The following RYR3 variants were observed in gnomAD, a reference collection of about 807,000 sequenced individuals.
The protein encoded by RYR3 is ryanodine receptor 3.
Under a neutral mutation model 584.3 loss-of-function variants are expected in RYR3, and 207 were observed. The ratio of observed to expected loss-of-function variants is 0.35; its 90% CI spans 0.32 to 0.40. The LOEUF (loss-of-function observed/expected upper bound fraction) is 0.40, where lower values mean the gene tolerates loss of function less well. Ranked by LOEUF, RYR3 falls within the 10% of genes least tolerant of loss-of-function variation. RYR3 has a pLI of 1.00. For missense variants in RYR3, 5,616 were observed against 6,089.2 expected, an observed-to-expected ratio of 0.92 and a Z score of 2.59; for synonymous variants, 2,416 against 2,248.5, an observed-to-expected ratio of 1.07 and a Z score of -2.11.
In RYR3 at chr15:33,785,804, G is replaced by A; in HGVS notation, c.9411G>A (p.Met3137Ile). The A allele has an allele frequency of 6.2e-7, 1 of 1,613,960 alleles. No homozygotes were observed. The highest frequency in any genetic ancestry group is 2.2e-5 in the East Asian group (1 of 44,878). The part of the protein sequence containing the change: ...MPHVIEVILP[M>I]LCNYLSYWWE... ...ATGTCATCGAGGTGATCTTACCCAT[G>A]CTCTGCAACTACTTGTCCTACTGGT... The change falls in exon 66 of 104, where the codon ATG (methionine) becomes ATA (isoleucine). Residue 3137 changes from methionine (M) to isoleucine (I), a missense_variant. By Grantham distance (10) the Met-to-Ile change is conservative. Around this residue, in one of 9 missense-constraint regions of RYR3, gnomAD observed 954 missense variants for 1,132.2 expected, o/e 0.84. Coordinates refer to ENST00000634891, the MANE Select transcript of RYR3 (RefSeq NM_001036.6).
chr15:33,665,924 T>G (rs997106397), intron 36 of RYR3, among the ~76,000 whole-genome samples: 1 of 152,236 alleles, frequency 6.6e-6, no homozygotes, highest in African/African-American at 2.4e-5. Context: ...AATTCTTCAC[T>G]AATGTATTAG....
At chr15:33,853,966 G>A (rs1022525828) in intron 96 of RYR3, among the ~76,000 whole-genome samples, 2 of 152,084 alleles carry the variant, frequency 1.3e-5, no homozygotes, top group Non-Finnish European at 2.9e-5. Context: ...GGCTGAGGTG[G>A]GCAGATCATG....
rs2070440402 is a variant in RYR3, at chr15:33,744,117, C to T, written c.7899+1673C>T. Among the ~76,000 whole-genome samples the T allele has an allele frequency of 2.0e-5, 3 of 152,108 alleles. No individual in the cohort carries two copies. In the South Asian group the frequency reaches 6.2e-4, roughly 32 times the overall value. On this transcript the variant is annotated intron_variant, in intron 52 of 103. Transcript: ENST00000634891. Reference sequence around the variant, plus strand: ...TCCTCTGCCTGAGCCTGCCAGATACCCGCCTGTACTCACACACATTCTCAC... The same window carrying T: ...TCCTCTGCCTGAGCCTGCCAGATACTCGCCTGTACTCACACACATTCTCAC...
At chr15:33,762,373 A>C (rs1213424180) in intron 60 of RYR3, among the ~76,000 whole-genome samples, 1 of 152,238 alleles carries the variant, frequency 6.6e-6, no homozygotes, top group Non-Finnish European at 1.5e-5. Flanking sequence ...ACTCAGCCCA[A>C]AAACCCCTTA....
intron 38 of RYR3, among the ~76,000 whole-genome samples, chr15:33,685,933 A>G (rs904572355): frequency 6.6e-6 from 1 of 152,230 alleles, no homozygotes; most frequent in African/African-American, 2.4e-5. Flanking sequence ...TCTGGGACAC[A>G]TTTAAAGCAG....
rs781421594 is a variant in RYR3 at position 33,736,270 on chromosome 15, G to A, written c.7460G>A (p.Arg2487Gln). 15 of 1,613,072 alleles carry A rather than the reference G, an allele frequency of 9.3e-6. No individual in the cohort carries two copies. Among genetic ancestry groups the A allele is most frequent in the African/African-American group, 8.0e-5 (6 of 74,852 alleles). ...CCTTCCATGTTACAGCAACTCCTGC[G>A]ACGCCTCGTTTTTGATGTGCCGCAA... ...LRPSMLQQLL[R>Q]RLVFDVPQLN... is the part of the protein sequence containing the mutation. The change falls in exon 49 of 104, where the codon CGA becomes CAA. Residue 2487 changes from arginine (R) to glutamine (Q), a missense_variant. Physicochemically the swap from Arg to Gln is conservative, Grantham distance 43. Coordinates refer to ENST00000634891, the MANE Select transcript of RYR3 (RefSeq NM_001036.6).
chr15:33,706,764 T>G (rs538683259), intron 42 of RYR3, among the ~76,000 whole-genome samples, 155 bp from the exon 43 acceptor site: 2 of 152,356 alleles, frequency 1.3e-5, no homozygotes, highest in South Asian at 4.1e-4. Flanking sequence ...AGTACTGTTT[T>G]CCACAGTGGC....
intron 5 of RYR3, among the ~76,000 whole-genome samples, chr15:33,533,759 A>T (rs1214105609): frequency 6.6e-6 from 1 of 152,230 alleles, no homozygotes; most frequent in Non-Finnish European, 1.5e-5. Context: ...TATAGTGTCT[A>T]GATCAAAGGA....
chr15:33,750,508 C>G (rs890719008), intron 57 of RYR3, among the ~76,000 whole-genome samples: 1 of 152,264 alleles, frequency 6.6e-6, no homozygotes, highest in Admixed American at 6.5e-5. Context: ...ACAAATTATA[C>G]CTACATACCT....
At chr15:33,595,795 G>A (rs1296931298) in intron 16 of RYR3, among the ~76,000 whole-genome samples, 3 of 151,940 alleles carry the variant, frequency 2.0e-5, no homozygotes, top group East Asian at 1.9e-4. Context: ...GAAGATACAT[G>A]GATGTAATAA....
chr15:33,557,450 T>C (rs1386932948), intron 10 of RYR3, among the ~76,000 whole-genome samples: 15 of 152,174 alleles, frequency 9.9e-5, no homozygotes, highest in Non-Finnish European at 1.3e-4. Context: ...AGTGGCGCGA[T>C]CTTGGCTCAC....
intron 43 of RYR3, among the ~76,000 whole-genome samples, chr15:33,719,852 C>G (rs1013159229): frequency 1.3e-5 from 2 of 152,204 alleles, no homozygotes; most frequent in African/African-American, 4.8e-5. Flanking sequence ...TGTACAATGT[C>G]TTTCAACCTC....
At position 33,613,262 on chromosome 15, in the gene RYR3, C is replaced by T. The variant is rs1405836758; in HGVS notation, c.2244C>T (p.Leu748=). Residue 748 remains leucine, a synonymous_variant, in exon 19 of 104, where the codon CTC becomes CTT. Transcript: ENST00000634891. Reference sequence around the variant, plus strand: ...ACGTGGTAAGCTGCTGCCTGGACCTCGGGGTGCCCAGCATCTCATTCCGCA... The same window carrying T: ...ACGTGGTAAGCTGCTGCCTGGACCTTGGGGTGCCCAGCATCTCATTCCGCA... The part of the protein sequence containing the change: ...SDDVVSCCLD[L]GVPSISFRIN... 4 of 1,613,928 alleles carry T rather than the reference C, an allele frequency of 2.5e-6. No homozygotes were observed. The highest frequency in any genetic ancestry group is 3.4e-6 in the Non-Finnish European group (4 of 1,179,846).
At position 33,652,780 on chromosome 15, in the gene RYR3, C is replaced by T. The variant is rs759463582; in HGVS notation, c.4205C>T (p.Ser1402Leu). The T allele has an allele frequency of 6.2e-6, 10 of 1,613,758 alleles. No individual in the cohort carries two copies. In the East Asian group the frequency reaches 2.2e-4, roughly 36 times the overall value. ...GACATTGTAGCCAGTTCCCAGAGATCAAATCGGAGCAACGTGGACCTGGAG... is the reference window on the plus strand; with the variant it reads ...GACATTGTAGCCAGTTCCCAGAGATTAAATCGGAGCAACGTGGACCTGGAG... The part of the protein sequence containing the change: ...GGDIVASSQR[S>L]NRSNVDLEIG... The change falls in exon 32 of 104, where the codon TCA becomes TTA. Residue 1402 changes from serine to leucine, a missense_variant. Ser to Leu is a moderately radical substitution (Grantham distance 145). Around this residue, in one of 9 missense-constraint regions of RYR3, gnomAD observed 753 missense variants for 741.0 expected, o/e 1.02. Coordinates refer to ENST00000634891, the MANE Select transcript of RYR3 (RefSeq NM_001036.6).
chr15:33,595,838 TCA>T (rs1272198187), intron 16 of RYR3, among the ~76,000 whole-genome samples: 2 of 152,124 alleles, frequency 1.3e-5, no homozygotes, highest in Admixed American at 6.6e-5. Flanking sequence ...AAAATTTATC[TCA>T]GTTTTTTTCC....
intron 1 of RYR3, among the ~76,000 whole-genome samples, chr15:33,449,757 G>A (rs1326405652): frequency 3.3e-4 from 50 of 152,158 alleles, no homozygotes; most frequent in Non-Finnish European, 1.5e-5. Flanking sequence ...TTGGCAAGGT[G>A]TATAGGGTAG....
At chr15:33,729,621 A>G (rs1266806709) in intron 47 of RYR3, among the ~76,000 whole-genome samples, 1 of 152,136 alleles carries the variant, frequency 6.6e-6, no homozygotes, top group African/African-American at 2.4e-5. Flanking sequence ...GGTGAGATAG[A>G]TAAGGTAGTT....
At position 33,859,703 on chromosome 15, in the gene RYR3, C is replaced by A. The variant is rs1337665006; in HGVS notation, c.14271C>A (p.Val4757=). The part of the protein sequence containing the change: ...IVFDITFFFF[V]IVILLAIIQG... ...TTGACATTACCTTTTTCTTCTTCGT[C>A]ATTGTCATCTTGCTGGCCATCATTC... Residue 4757 remains valine (V), a synonymous_variant, in exon 100 of 104, where the codon GTC becomes GTA. Coordinates refer to ENST00000634891, the MANE Select transcript of RYR3 (RefSeq NM_001036.6). 7 of 1,611,824 alleles carry A rather than the reference C, an allele frequency of 4.3e-6. No homozygotes were observed. The highest frequency in any genetic ancestry group is 5.9e-6 in the Non-Finnish European group (7 of 1,178,838).
intron 10 of RYR3, among the ~76,000 whole-genome samples, chr15:33,558,854 C>T (rs535021591): frequency 6.6e-6 from 1 of 152,236 alleles, no homozygotes; most frequent in African/African-American, 2.4e-5. Context: ...ACACGCCATA[C>T]CACACAGGGC....
Sources: gnomAD v4.1 joint callset for allele counts (sites outside exome capture counted in the v4.1 genomes callset) on GRCh38, gnomAD v4.1.1 for gene constraint, gnomAD v4.1.1 regional missense constraint, MANE v1.5 for transcripts, NCBI Gene and HGNC (gene_info 2026-07-23, HGNC 2026-07-21) for gene names.